The following TSEN15 variants were observed in gnomAD, a reference collection of about 807,000 sequenced individuals.
The protein encoded by TSEN15 is tRNA-splicing endonuclease subunit Sen15.
TSEN15 carries 10 observed loss-of-function variants against 20.5 expected under a neutral mutation model. The ratio of observed to expected loss-of-function variants is 0.49; its 90% CI spans 0.30 to 0.83. TSEN15 has a LOEUF of 0.83. Ranked by LOEUF, TSEN15 falls within the 40% of genes least tolerant of loss-of-function variation. The pLI, the probability that TSEN15 is intolerant of heterozygous loss-of-function variation, is 0.06. For synonymous variants in TSEN15, 72 were observed against 80.1 expected (o/e 0.90, Z 0.54); for missense variants, 180 against 218.6 (o/e 0.82, Z 1.11).
At chr1:184,055,954 A>G (rs552324438) in intron 3 of TSEN15, among the ~76,000 whole-genome samples, 13 of 151,870 alleles carry the variant, frequency 8.6e-5, no homozygotes, top group Admixed American at 3.3e-4. Flanking sequence ...GGAATTTTTA[A>G]ATTTTAGATG....
intron 3 of TSEN15, among the ~76,000 whole-genome samples, chr1:184,062,942 A>C (rs1333100002): frequency 6.6e-6 from 1 of 152,132 alleles, no homozygotes; most frequent in East Asian, 1.9e-4. Flanking sequence ...AGGCACAGTT[A>C]AGATACAGCT....
chr1:184,089,314 G>A (rs1381863893), intron 3 of TSEN15, among the ~76,000 whole-genome samples: 1 of 152,028 alleles, frequency 6.6e-6, no homozygotes, highest in East Asian at 1.9e-4. Flanking sequence ...ATGCTCTTCT[G>A]GGTTGTGTTT....
At chr1:184,094,115 G>A (rs995095764) in intron 3 of TSEN15, 1 of 152,004 alleles carries the variant, frequency 6.6e-6, no homozygotes, top group African/African-American at 2.4e-5. Context: ...CCCCCCCTCC[G>A]AATCTTATTA....
chr1:184,093,566 G>T (rs1378217928), intron 3 of TSEN15: 3 of 152,068 alleles, frequency 2.0e-5, no homozygotes, highest in Non-Finnish European at 4.4e-5. Flanking sequence ...TTTTTTGTAG[G>T]TAGGTACTTT....
At chr1:184,065,970 G>A (rs1349159872) in intron 3 of TSEN15, among the ~76,000 whole-genome samples, 1 of 152,036 alleles carries the variant, frequency 6.6e-6, no homozygotes, top group African/African-American at 2.4e-5. Context: ...TCTTAACATT[G>A]TATTTTGCAG....
intron 3 of TSEN15, chr1:184,071,161 T>A (rs1325058274): frequency 6.6e-6 from 1 of 152,052 alleles, no homozygotes; most frequent in Non-Finnish European, 1.5e-5. Context: ...ATTTCAAGTA[T>A]CCTTGAAAAG....
At chr1:184,075,794 T>G (rs1156832455), downstream of TSEN15, among the ~76,000 whole-genome samples, 2 of 151,944 alleles carry the variant, frequency 1.3e-5, no homozygotes, top group Non-Finnish European at 2.9e-5. Context: ...AAAATTATAC[T>G]GACATTAAAT....
intron 3 of TSEN15, among the ~76,000 whole-genome samples, chr1:184,065,795 A>G (rs1313401527): frequency 6.6e-6 from 1 of 152,134 alleles, no homozygotes; most frequent in Non-Finnish European, 1.5e-5. Flanking sequence ...TGCCACCTGT[A>G]TATCTCCTTT....
chr1:184,089,300 G>A (rs918480555), intron 3 of TSEN15, among the ~76,000 whole-genome samples: 7 of 152,168 alleles, frequency 4.6e-5, no homozygotes, highest in African/African-American at 1.2e-4. Context: ...TACTGTAACC[G>A]TCAATGCTCT....
At chr1:184,081,545 T>A (rs1018478127) in intron 3 of TSEN15, among the ~76,000 whole-genome samples, 2 of 152,174 alleles carry the variant, frequency 1.3e-5, no homozygotes, top group Non-Finnish European at 2.9e-5. Context: ...TGTTCCTGGA[T>A]TGAGGAAAAG....
rs1163927654 is a variant in TSEN15 at position 184,073,836 on chromosome 1, C to T, written c.*989C>T. 1 of 152,132 alleles carries T rather than the reference C, an allele frequency of 6.6e-6. No homozygotes were observed. The highest frequency in any genetic ancestry group is 1.5e-5 in the Non-Finnish European group (1 of 68,000). 9.4% of individuals were successfully genotyped at this position (152,132 alleles called of 1,614,324 possible). On this transcript the variant is annotated 3_prime_UTR_variant, in exon 5 of 5. Coordinates refer to ENST00000645668, the MANE Select transcript of TSEN15 (RefSeq NM_052965.4). Reference sequence around the variant, plus strand: ...AGCACAAAAGCAGCCATAGACAATACATAAACAATACGGGCGTGGCTTTGT... The same window carrying T: ...AGCACAAAAGCAGCCATAGACAATATATAAACAATACGGGCGTGGCTTTGT...
intron 3 of TSEN15, among the ~76,000 whole-genome samples, chr1:184,057,983 T>G (rs1650308403): frequency 6.6e-6 from 1 of 152,184 alleles, no homozygotes; most frequent in South Asian, 2.1e-4. Context: ...ACAAATATTG[T>G]CCTAGCTAGT....
chr1:184,055,650 C>G (rs960013456), intron 3 of TSEN15, among the ~76,000 whole-genome samples: 2 of 151,904 alleles, frequency 1.3e-5, no homozygotes, highest in Non-Finnish European at 2.9e-5. Context: ...TTTCATGTAG[C>G]TTTTTTTAAA....
intron 3 of TSEN15, among the ~76,000 whole-genome samples, chr1:184,061,362 T>C (rs185149233): frequency 6.6e-6 from 1 of 152,242 alleles, no homozygotes; most frequent in East Asian, 1.9e-4. Context: ...ACATTTTTAT[T>C]AGTAGGAGAG....
At chr1:184,095,549 G>A (rs1365015773) in intron 3 of TSEN15, 1 of 394,230 alleles carries the variant, frequency 2.5e-6, no homozygotes, top group East Asian at 3.6e-5. Context: ...GGTCATGAGA[G>A]TGGGGCCTTA....
At chr1:184,060,797 T>C (rs1307699178) in intron 3 of TSEN15, among the ~76,000 whole-genome samples, 1 of 152,184 alleles carries the variant, frequency 6.6e-6, no homozygotes. Context: ...GCCTCACAGC[T>C]ATTAGAGTTT....
At chr1:184,068,698 C>T (rs1650779995) in intron 3 of TSEN15, among the ~76,000 whole-genome samples, 1 of 152,110 alleles carries the variant, frequency 6.6e-6, no homozygotes, top group Admixed American at 6.6e-5. Context: ...TGGGACTGAG[C>T]CTGTGGATGA....
In TSEN15 at chr1:184,093,288, C is replaced by G. The variant is rs527417284; in HGVS notation, c.354-2402C>G. The stretch of plus-strand genomic sequence containing the variant: ...TCTGGACACTGGATCTGCCTATGGC[C>G]TTAGGCAAACCACATAATCATGGTC... On this transcript the variant is annotated intron_variant, in intron 3 of 3. Transcript: ENST00000643231. 2.0e-5 allele frequency among the ~76,000 whole-genome samples: 3 copies of G among 152,274 alleles called. No homozygotes were observed. In the East Asian group the frequency reaches 5.8e-4, roughly 29 times the overall value.
chr1:184,093,082 A>T (rs1467160488), intron 3 of TSEN15, among the ~76,000 whole-genome samples: 1 of 152,200 alleles, frequency 6.6e-6, no homozygotes, highest in African/African-American at 2.4e-5. Flanking sequence ...GACTGGAATA[A>T]GATAAAATTT....
Sources: allele counts gnomAD v4.1 joint callset (sites outside exome capture counted in the v4.1 genomes callset), GRCh38; gene constraint gnomAD v4.1.1; transcripts MANE v1.5; gene names NCBI Gene and HGNC (gene_info 2026-07-23, HGNC 2026-07-21).